Variants in RNLS observed in about 807,000 individuals in gnomAD.
RNLS encodes the protein renalase, FAD dependent amine oxidase.
Under a neutral mutation model 39.8 loss-of-function variants are expected in RNLS, and 39 were observed. The observed-to-expected ratio is 0.98, with a 90% confidence interval of 0.76 to 1.28. The LOEUF is 1.28. Among genes scored for constraint, RNLS ranks in the 50% most tolerant of loss-of-function variants. The probability of loss-of-function intolerance (pLI) is 0.00; values close to 1 mark genes in which losing one functional copy is unlikely to be tolerated. For synonymous variants in RNLS, 147 were observed against 150.7 expected (o/e 0.98, Z 0.18); for missense variants, 410 against 413.3 (o/e 0.99, Z 0.07).
the RNLS span, among the ~76,000 whole-genome samples, chr10:88,242,029 A>C: frequency 6.6e-6 from 1 of 152,116 alleles, no homozygotes; most frequent in Non-Finnish European, 1.5e-5. Context: ...GGACCAGGAG[A>C]CCCTTGATGG....
intron 4 of RNLS, among the ~76,000 whole-genome samples, chr10:88,410,150 GAATATAGGAAACGTTCTATGCC>G (rs1324581854): frequency 6.6e-6 from 1 of 152,062 alleles, no homozygotes; most frequent in African/African-American, 2.4e-5. Flanking sequence ...AAACAGTAGA[GAATATAGGAAACGTTCTATGCC>G]AAGTTTAACA....
At position 88,327,513 on chromosome 10, in the gene RNLS, A is replaced by C. The variant is rs189010554; in HGVS notation, c.701-12872T>G. On this transcript the variant is annotated intron_variant, in intron 5 of 6. Coordinates refer to ENST00000331772, the MANE Select transcript of RNLS (RefSeq NM_001031709.3). Reference sequence around the variant, plus strand: ...GGTTGCTTCCCCTTTGCCTTCTGCCATGATTATAAGTTTCCTGAGGCCTCC... The same window carrying C: ...GGTTGCTTCCCCTTTGCCTTCTGCCCTGATTATAAGTTTCCTGAGGCCTCC... Among the ~76,000 whole-genome samples, 283 of 152,314 alleles carry C rather than the reference A, an allele frequency of 1.9e-3. 2 individuals are homozygous for C. Among genetic ancestry groups the C allele is most frequent in the East Asian group, 0.01 (54 of 5,184 alleles).
intron 4 of RNLS, among the ~76,000 whole-genome samples, chr10:88,432,092 T>G (rs971478705): frequency 1.3e-5 from 2 of 151,822 alleles, no homozygotes; most frequent in African/African-American, 4.8e-5. Context: ...TACTTCTTCT[T>G]ATGGCTTTAT....
chr10:88,537,223 T>C (rs982421814), intron 4 of RNLS, among the ~76,000 whole-genome samples: 12 of 152,312 alleles, frequency 7.9e-5, no homozygotes, highest in South Asian at 6.2e-4. Context: ...TTCTATGCTT[T>C]AGAAAAAAAT....
the RNLS span, among the ~76,000 whole-genome samples, chr10:88,185,307 C>T: frequency 2.3e-4 from 35 of 152,232 alleles, no homozygotes; most frequent in African/African-American, 7.5e-4. Context: ...CTCATTTTAC[C>T]TTTGAAATGC....
At chr10:88,475,303 C>T (rs1373564820) in intron 4 of RNLS, among the ~76,000 whole-genome samples, 1 of 152,144 alleles carries the variant, frequency 6.6e-6, no homozygotes, top group Admixed American at 6.5e-5. Context: ...TTATCAAACT[C>T]AAGAGAAAGG....
the RNLS span, among the ~76,000 whole-genome samples, chr10:88,221,492 G>A: frequency 6.6e-6 from 1 of 152,146 alleles, no homozygotes; most frequent in African/African-American, 2.4e-5. Flanking sequence ...TCCAATGAAT[G>A]GAGTTACATT....
intron 4 of RNLS, among the ~76,000 whole-genome samples, chr10:88,435,641 C>T (rs1855427088): frequency 6.6e-6 from 1 of 152,048 alleles, no homozygotes; most frequent in South Asian, 2.1e-4. Context: ...AACACAAAAA[C>T]TATCTCAATA....
chr10:88,548,378 T>C (rs1043332969), intron 4 of RNLS, among the ~76,000 whole-genome samples: 1 of 146,150 alleles, frequency 6.8e-6, no homozygotes, highest in Non-Finnish European at 1.5e-5. Context: ...AATACAGTTT[T>C]CCTGTAATCC....
chr10:88,492,610 A>C (rs988394946), intron 4 of RNLS, among the ~76,000 whole-genome samples: 6 of 151,680 alleles, frequency 4.0e-5, no homozygotes, highest in African/African-American at 1.2e-4. Context: ...GTAGAGACGG[A>C]GATTCTCTCT....
chr10:88,250,348 AT>A, the RNLS span, among the ~76,000 whole-genome samples: 6 of 152,316 alleles, frequency 3.9e-5, no homozygotes, highest in African/African-American at 1.2e-4. Flanking sequence ...CCCTGAGAAA[AT>A]TCTTTGGAAG....
At chr10:88,460,786 C>A (rs531670423) in intron 4 of RNLS, among the ~76,000 whole-genome samples, 1 of 152,232 alleles carries the variant, frequency 6.6e-6, no homozygotes, top group African/African-American at 2.4e-5. Context: ...GGTTCACTTC[C>A]ATTTGACCTC....
intron 4 of RNLS, among the ~76,000 whole-genome samples, chr10:88,469,647 C>A (rs375353851): frequency 9.2e-5 from 14 of 152,126 alleles, no homozygotes; most frequent in Non-Finnish European, 1.9e-4. Flanking sequence ...TATACAGTGT[C>A]TGTCAAATTT....
intron 4 of RNLS, among the ~76,000 whole-genome samples, chr10:88,500,065 G>A (rs954260166): frequency 1.3e-5 from 2 of 152,120 alleles, no homozygotes; most frequent in Non-Finnish European, 2.9e-5. Context: ...TTTAATGAGA[G>A]CAAAGCTCTG....
At chr10:88,578,265 T>A (rs1313778234) in intron 3 of RNLS, among the ~76,000 whole-genome samples, 1 of 152,170 alleles carries the variant, frequency 6.6e-6, no homozygotes, top group Non-Finnish European at 1.5e-5. Context: ...TTACGCTCAT[T>A]TTTTTCAATG....
At chr10:88,186,761 A>G in the RNLS span, among the ~76,000 whole-genome samples, 1 of 152,168 alleles carries the variant, frequency 6.6e-6, no homozygotes, top group Non-Finnish European at 1.5e-5. Flanking sequence ...TTTGAGCAAA[A>G]TTTAAACAAA....
intron 4 of RNLS, among the ~76,000 whole-genome samples, chr10:88,526,841 A>C (rs987977745): frequency 6.6e-6 from 1 of 152,056 alleles, no homozygotes; most frequent in Non-Finnish European, 1.5e-5. Context: ...CTCAATTCTA[A>C]GTTTGCAAAG....
At chr10:88,546,892 T>C (rs1301304143) in intron 4 of RNLS, among the ~76,000 whole-genome samples, 4 of 136,388 alleles carry the variant, frequency 2.9e-5, no homozygotes, top group Non-Finnish European at 4.6e-5. Flanking sequence ...AATTGATTTC[T>C]TACCATGAAA....
At chr10:88,489,215 C>T (rs1268215131) in intron 4 of RNLS, among the ~76,000 whole-genome samples, 1 of 152,214 alleles carries the variant, frequency 6.6e-6, no homozygotes, top group East Asian at 1.9e-4. Context: ...GAGATAGTCA[C>T]TGCCAAAGTA....
Sources: gnomAD v4.1 joint callset for allele counts (sites outside exome capture counted in the v4.1 genomes callset) on GRCh38, gnomAD v4.1.1 for gene constraint, MANE v1.5 for transcripts, NCBI Gene and HGNC (gene_info 2026-07-23, HGNC 2026-07-21) for gene names.